MCUB: variants seen among roughly 807,000 people sequenced by gnomAD.
MCUB encodes the protein mitochondrial calcium uniporter dominant negative subunit beta.
A neutral mutation model predicts 41.4 loss-of-function variants in MCUB; 46 were observed. The ratio of observed to expected loss-of-function variants is 1.11; its 90% CI spans 0.88 to 1.42. The LOEUF is 1.42. Ranked by LOEUF, MCUB falls within the 40% of genes most tolerant of loss-of-function variation. The pLI, the probability that MCUB is intolerant of heterozygous loss-of-function variation, is 0.00. For synonymous variants in MCUB, 148 were observed against 148.2 expected (o/e 1.00, Z 0.01); for missense variants, 403 against 404.9 (o/e 1.00, Z 0.04).
At chr4:109,618,810 A>C (rs1040927037) in intron 1 of MCUB, among the ~76,000 whole-genome samples, 9 of 152,206 alleles carry the variant, frequency 5.9e-5, no homozygotes, top group Non-Finnish European at 1.3e-4. Context: ...TTTCTATAGA[A>C]TCTTTCTTGC....
chr4:109,574,153 C>G (rs1182971283), intron 1 of MCUB, among the ~76,000 whole-genome samples: 2 of 152,048 alleles, frequency 1.3e-5, no homozygotes, highest in Non-Finnish European at 2.9e-5. Flanking sequence ...CTGTGCCCGA[C>G]TGGGGCTGCA....
rs533659558 is a variant in MCUB at position 109,687,869 on chromosome 4, G to T, written c.*277G>T. 5.8e-4 allele frequency: 221 copies of T among 380,932 alleles called. No homozygotes were observed. Among genetic ancestry groups the T allele is most frequent in the Non-Finnish European group, 8.6e-4 (182 of 212,706 alleles). 23.6% of individuals were successfully genotyped at this position (380,932 alleles called of 1,614,324 possible). On this transcript the variant is annotated 3_prime_UTR_variant, in exon 8 of 8. Coordinates refer to ENST00000394650, the MANE Select transcript of MCUB (RefSeq NM_017918.5). ...TTGTCCCACGTTTATTCTCTATGTG[G>T]AGGTGAAAGGGTCTGTGCTTGGCAT...
intron 1 of MCUB, among the ~76,000 whole-genome samples, chr4:109,622,991 C>T (rs1407253010): frequency 6.6e-6 from 1 of 152,180 alleles, no homozygotes; most frequent in Non-Finnish European, 1.5e-5. Context: ...GTCATGTCTA[C>T]AGTATGCTCA....
chr4:109,633,455 G>A (rs1728521622), intron 1 of MCUB, among the ~76,000 whole-genome samples: 1 of 151,918 alleles, frequency 6.6e-6, no homozygotes, highest in Non-Finnish European at 1.5e-5. Context: ...ATTTTTAGTA[G>A]AGACAAGGTT....
At chr4:109,573,167 A>T (rs1295604189) in intron 1 of MCUB, among the ~76,000 whole-genome samples, 1 of 152,138 alleles carries the variant, frequency 6.6e-6, no homozygotes, top group African/African-American at 2.4e-5. Flanking sequence ...GAATATTAGG[A>T]ACAGATTGGG....
intron 4 of MCUB, among the ~76,000 whole-genome samples, chr4:109,671,976 AT>A (rs997779030): frequency 4.6e-4 from 70 of 152,200 alleles, no homozygotes; most frequent in African/African-American, 1.7e-3. Context: ...TTCCCTATAA[AT>A]TCTTTCTCAA....
chr4:109,567,210 A>G (rs1027363345), intron 1 of MCUB, among the ~76,000 whole-genome samples: 8 of 151,848 alleles, frequency 5.3e-5, no homozygotes, highest in Non-Finnish European at 7.4e-5. Context: ...TTTATAATGA[A>G]TGCACTGCCC....
At chr4:109,659,959 C>G (rs1729191780) in intron 2 of MCUB, among the ~76,000 whole-genome samples, 1 of 152,152 alleles carries the variant, frequency 6.6e-6, no homozygotes, top group African/African-American at 2.4e-5. Flanking sequence ...TGCCGGCCAC[C>G]TGGGAAGACT....
intron 1 of MCUB, among the ~76,000 whole-genome samples, chr4:109,625,027 C>CT (rs1349272754): frequency 6.6e-6 from 1 of 152,132 alleles, no homozygotes; most frequent in Non-Finnish European, 1.5e-5. Context: ...GTAGTCTCAG[C>CT]TACTCAAGAG....
At chr4:109,595,683 A>T in intron 1 of MCUB, among the ~76,000 whole-genome samples, 1 of 152,300 alleles carries the variant, frequency 6.6e-6, no homozygotes. Context: ...CCATCATCAC[A>T]GAAGTTCCAT....
chr4:109,601,334 T>A (rs1414012650), intron 1 of MCUB, among the ~76,000 whole-genome samples: 3 of 152,150 alleles, frequency 2.0e-5, no homozygotes, highest in Non-Finnish European at 4.4e-5. Context: ...ATACTAGGTC[T>A]TATTCTTTCT....
chr4:109,609,860 G>A (rs1386488302), intron 1 of MCUB, among the ~76,000 whole-genome samples: 1 of 152,188 alleles, frequency 6.6e-6, no homozygotes, highest in Non-Finnish European at 1.5e-5. Flanking sequence ...TCCTTTCAGT[G>A]CAGTGAGTTC....
At chr4:109,588,540 T>A (rs1727360610) in intron 1 of MCUB, among the ~76,000 whole-genome samples, 1 of 152,220 alleles carries the variant, frequency 6.6e-6, no homozygotes, top group South Asian at 2.1e-4. Flanking sequence ...AAGTTTGATA[T>A]TGGAAATGGC....
chr4:109,567,347 G>C (rs989134168), intron 1 of MCUB, among the ~76,000 whole-genome samples: 1 of 151,940 alleles, frequency 6.6e-6, no homozygotes, highest in Non-Finnish European at 1.5e-5. Context: ...AGTCCTTCTT[G>C]TTTTTTCTGA....
At chr4:109,679,070 G>T (rs190477684) in intron 4 of MCUB, among the ~76,000 whole-genome samples, 1 of 145,396 alleles carries the variant, frequency 6.9e-6, no homozygotes, top group Non-Finnish European at 1.5e-5. Context: ...AGGCAGAGGC[G>T]CTCCTCACTT....
chr4:109,677,918 A>C lies in MCUB; in HGVS notation c.452-4664A>C, dbSNP rs550713441. Among the ~76,000 whole-genome samples the C allele has an allele frequency of 1.6e-3, 240 of 150,084 alleles. No individual in the cohort carries two copies. In the Middle Eastern group the frequency reaches 0.02, roughly 13 times the overall value. On this transcript the variant is annotated intron_variant, in intron 4 of 7. Coordinates refer to ENST00000394650, the MANE Select transcript of MCUB (RefSeq NM_017918.5). ...TAGTGGAGAGAAGGTCAGCAGATAAACACGTGAACAAAGGTCTCTGGTTTT... is the reference window on the plus strand; with the variant it reads ...TAGTGGAGAGAAGGTCAGCAGATAACCACGTGAACAAAGGTCTCTGGTTTT...
rs77313175 is a variant in MCUB at position 109,605,657 on chromosome 4, G to A, written c.99+45221G>A. 5.9e-5 allele frequency among the ~76,000 whole-genome samples: 9 copies of A among 152,208 alleles called. No individual in the cohort carries two copies. The East Asian group carries it at 1.7e-3, about 29-fold the overall frequency. On this transcript the variant is annotated intron_variant, in intron 1 of 7. Coordinates refer to ENST00000394650, the MANE Select transcript of MCUB (RefSeq NM_017918.5). ...AGTCTCCAGCTATTATTGTTTTGGGGTCTGTCTCTTGTTTTAGCTCTAATA... is the reference window on the plus strand; with the variant it reads ...AGTCTCCAGCTATTATTGTTTTGGGATCTGTCTCTTGTTTTAGCTCTAATA...
At chr4:109,674,159 T>G (rs1339720340) in intron 4 of MCUB, 2 of 1,009,622 alleles carry the variant, frequency 2.0e-6, no homozygotes, top group Middle Eastern at 3.0e-4. Flanking sequence ...GGAGCTTGCT[T>G]TAGTTAGACG....
chr4:109,587,476 A>G (rs541081394), intron 1 of MCUB, among the ~76,000 whole-genome samples: 3 of 152,278 alleles, frequency 2.0e-5, no homozygotes, highest in South Asian at 4.1e-4. Flanking sequence ...CCACTGTCCA[A>G]CCAGTCCCAA....
Sources: allele counts gnomAD v4.1 joint callset (sites outside exome capture counted in the v4.1 genomes callset), GRCh38; gene constraint gnomAD v4.1.1; transcripts MANE v1.5; gene names NCBI Gene and HGNC (gene_info 2026-07-23, HGNC 2026-07-21).